SUPT3H: variants seen among roughly 807,000 people sequenced by gnomAD.
SUPT3H encodes transcription initiation protein SPT3 homolog.
Under a neutral mutation model 44.3 loss-of-function variants are expected in SUPT3H, and 44 were observed. The ratio of observed to expected loss-of-function variants is 0.99; its 90% CI spans 0.78 to 1.28. The LOEUF is 1.28. Ranked by LOEUF, SUPT3H falls within the 50% of genes most tolerant of loss-of-function variation. The pLI, the probability that SUPT3H is intolerant of heterozygous loss-of-function variation, is 0.00. For missense variants in SUPT3H, 380 were observed against 387.1 expected (o/e 0.98, Z 0.15); for synonymous variants, 124 against 125.6 (o/e 0.99, Z 0.09).
intron 2 of SUPT3H, among the ~76,000 whole-genome samples, chr6:45,207,040 G>A (rs1052459312): frequency 2.6e-5 from 4 of 152,254 alleles, no homozygotes; most frequent in African/African-American, 4.8e-5. Flanking sequence ...ATCAACTATA[G>A]GTTAAGTTTA....
At chr6:45,193,785 C>T (rs1815537813) in intron 2 of SUPT3H, among the ~76,000 whole-genome samples, 1 of 152,062 alleles carries the variant, frequency 6.6e-6, no homozygotes, top group African/African-American at 2.4e-5. Context: ...TAGAGTCACA[C>T]CAGGTTGTAA....
intron 6 of SUPT3H, among the ~76,000 whole-genome samples, chr6:44,979,343 T>C (rs1285574991): frequency 1.3e-5 from 2 of 152,218 alleles, no homozygotes; most frequent in Admixed American, 1.3e-4. Flanking sequence ...TTCAACCATT[T>C]GATAGGTTGA....
intron 3 of SUPT3H, among the ~76,000 whole-genome samples, chr6:45,063,772 A>C (rs1792674166): frequency 7.0e-6 from 1 of 142,128 alleles, no homozygotes; most frequent in Admixed American, 7.3e-5. Context: ...AAGAGTAAAA[A>C]GAAATGAGCA....
intron 2 of SUPT3H, among the ~76,000 whole-genome samples, chr6:45,175,104 T>G (rs900481677): frequency 4.0e-5 from 6 of 151,842 alleles, no homozygotes; most frequent in Non-Finnish European, 5.9e-5. Flanking sequence ...GTTATTTACT[T>G]ACATAGAACT....
At chr6:44,888,853 A>T (rs1407502302) in intron 10 of SUPT3H, among the ~76,000 whole-genome samples, 1 of 149,722 alleles carries the variant, frequency 6.7e-6, no homozygotes, top group African/African-American at 2.5e-5. Flanking sequence ...ACATGATTGT[A>T]TATCTAGAAA....
At chr6:45,241,117 C>T (rs12202434) in intron 2 of SUPT3H, among the ~76,000 whole-genome samples, 34,615 of 152,068 alleles carry the variant, frequency 0.23, 4,629 homozygotes, top group Non-Finnish European at 0.31. Context: ...ATGCAGATCC[C>T]GACTCCTGCG....
chr6:45,003,562 A>G (rs1297951112), intron 6 of SUPT3H, 91 bp downstream of exon 6: 1 of 1,431,422 alleles, frequency 7.0e-7, no homozygotes, highest in African/African-American at 1.4e-5. Flanking sequence ...GAGATTTCAG[A>G]CAACATTTAA....
At chr6:44,967,695 G>A (rs942449136) in intron 6 of SUPT3H, among the ~76,000 whole-genome samples, 1 of 152,128 alleles carries the variant, frequency 6.6e-6, no homozygotes, top group Non-Finnish European at 1.5e-5. Flanking sequence ...GCTTCTCAAG[G>A]CACATGGCAT....
At chr6:44,895,008 G>A (rs1164803020) in intron 10 of SUPT3H, among the ~76,000 whole-genome samples, 3 of 151,844 alleles carry the variant, frequency 2.0e-5, no homozygotes, top group African/African-American at 7.3e-5. Flanking sequence ...GATATAATGG[G>A]AATGTGCCAA....
Position 45,252,001 on chromosome 6 carries a change from T to A in SUPT3H, c.101+113200A>T, listed in dbSNP as rs116774362. Among the ~76,000 whole-genome samples, 138 of 152,184 alleles carry A rather than the reference T, an allele frequency of 9.1e-4. 1 individual carries two copies. The highest frequency in any genetic ancestry group is 3.2e-3 in the African/African-American group (133 of 41,532). The stretch of plus-strand genomic sequence containing the variant: ...TTAAATAAAGAAAAGGTCTTATAAA[T>A]GGGGTGAGGGAGTGGAAATAAGAAA... On this transcript the variant is annotated intron_variant, in intron 2 of 10. Coordinates refer to ENST00000371459, the MANE Select transcript of SUPT3H (RefSeq NM_003599.4).
In SUPT3H at chr6:45,051,940, C is replaced by G. The variant is rs535210435; in HGVS notation, c.187-31308G>C. On this transcript the variant is annotated intron_variant, in intron 3 of 10. Coordinates refer to ENST00000371459, the MANE Select transcript of SUPT3H (RefSeq NM_003599.4). ...TTAATGGCTGAAATAAATTGGAGGA[C>G]AGTGCCATTGGAGAGAAAATGAAAA... Among the ~76,000 whole-genome samples the G allele has an allele frequency of 6.8e-4, 103 of 152,156 alleles. 1 individual carries two copies. Among genetic ancestry groups the G allele is most frequent in the South Asian group, 2.9e-3 (14 of 4,820 alleles).
intron 2 of SUPT3H, among the ~76,000 whole-genome samples, chr6:45,286,044 T>C (rs1779192005): frequency 6.9e-6 from 1 of 144,514 alleles, no homozygotes; most frequent in African/African-American, 2.7e-5. Context: ...GCTAGCCATA[T>C]GTAGAAAGCT....
chr6:45,062,333 C>A (rs1792243069), intron 3 of SUPT3H, among the ~76,000 whole-genome samples: 1 of 152,064 alleles, frequency 6.6e-6, no homozygotes, highest in African/African-American at 2.4e-5. Context: ...AGGCATAAAT[C>A]CAGAGCATTA....
chr6:45,321,008 A>G (rs1785408365), intron 2 of SUPT3H, among the ~76,000 whole-genome samples: 1 of 152,172 alleles, frequency 6.6e-6, no homozygotes, highest in Non-Finnish European at 1.5e-5. Flanking sequence ...CACAAATGAC[A>G]TACCAATAAC....
At chr6:45,056,667 G>T (rs550096527) in intron 3 of SUPT3H, among the ~76,000 whole-genome samples, 1 of 152,156 alleles carries the variant, frequency 6.6e-6, no homozygotes, top group African/African-American at 2.4e-5. Context: ...ACAAAGGCAT[G>T]AGAATGACAC....
chr6:44,909,299 C>A (rs1766641785), intron 10 of SUPT3H, among the ~76,000 whole-genome samples: 2 of 152,110 alleles, frequency 1.3e-5, no homozygotes. Context: ...AATTGAATTA[C>A]TGTAGCTTTG....
chr6:45,280,350 A>C (rs893105463), intron 2 of SUPT3H, among the ~76,000 whole-genome samples: 1 of 152,166 alleles, frequency 6.6e-6, no homozygotes, highest in African/African-American at 2.4e-5. Context: ...AAAAATACAA[A>C]AAAAAGTTAG....
At chr6:45,019,324 G>A (rs962216367) in intron 4 of SUPT3H, among the ~76,000 whole-genome samples, 1 of 151,920 alleles carries the variant, frequency 6.6e-6, no homozygotes, top group African/African-American at 2.4e-5. Context: ...ATTTTTTGAA[G>A]GGTTTTTTTG....
intron 9 of SUPT3H, among the ~76,000 whole-genome samples, chr6:44,939,048 A>T (rs1771959201): frequency 6.6e-6 from 1 of 152,142 alleles, no homozygotes; most frequent in African/African-American, 2.4e-5. Context: ...TCCAATTTGG[A>T]TAACTTTTAT....
Sources: gnomAD v4.1 joint callset for allele counts (sites outside exome capture counted in the v4.1 genomes callset) on GRCh38, gnomAD v4.1.1 for gene constraint, MANE v1.5 for transcripts, NCBI Gene and HGNC (gene_info 2026-07-23, HGNC 2026-07-21) for gene names.